Variants in PCNX2 observed in about 807,000 individuals in gnomAD.
PCNX2 encodes the protein pecanex-like protein 2.
In PCNX2, 168 loss-of-function variants were observed where a neutral mutation model predicts 223.8. The ratio of observed to expected loss-of-function variants is 0.75; its 90% confidence interval spans 0.66 to 0.85. PCNX2 has a LOEUF of 0.85. Among genes scored for constraint, PCNX2 ranks in the 40% least tolerant of loss-of-function variants. The pLI, the probability that PCNX2 is intolerant of heterozygous loss-of-function variation, is 0.00. For synonymous variants in PCNX2, 1,006 were observed against 1,052.6 expected (o/e 0.96, Z 0.86); for missense variants, 2,507 against 2,675.5 (o/e 0.94, Z 1.39).
chr1:232,984,248 A>C lies in PCNX2; in HGVS notation c.*56T>G. Reference sequence around the variant, plus strand: ...TGGTGATTTGGGGAGCACGAGGGAGAGCAATGCAGGTGGGAGGTGTGGGGG... The same window carrying C: ...TGGTGATTTGGGGAGCACGAGGGAGCGCAATGCAGGTGGGAGGTGTGGGGG... On this transcript the variant is annotated 3_prime_UTR_variant, in exon 34 of 34. Transcript: ENST00000258229. 6.7e-7 allele frequency: 1 copy of C among 1,482,742 alleles called. No homozygotes were observed. Among genetic ancestry groups the C allele is most frequent in the Non-Finnish European group, 9.0e-7 (1 of 1,115,114 alleles). 91.8% of individuals were successfully genotyped at this position (1,482,742 alleles called of 1,614,324 possible). A position where few individuals can be genotyped will look rare whatever the true frequency, so the allele number is the denominator to read the frequency against.
chr1:233,207,716 G>C (rs1043428278), intron 13 of PCNX2, among the ~76,000 whole-genome samples: 5 of 152,182 alleles, frequency 3.3e-5, no homozygotes, highest in African/African-American at 1.2e-4. Flanking sequence ...CAAACCATCA[G>C]CAGTTTGGCT....
rs370470643 is a variant in PCNX2, at chr1:233,263,100, T to C, written c.217A>G (p.Ile73Val). The C allele has an allele frequency of 3.1e-5, 50 of 1,613,336 alleles. 1 individual carries two copies. The Middle Eastern group carries it at 8.3e-4, about 27-fold the overall frequency. ...YCSAVTIFFT[I>V]IKLVSYRLHL... ...AGGCGATAACTGACCAGTTTGATTATTGTGAAGAATATAGTCACTGCACTG... is the reference window on the plus strand; with the variant it reads ...AGGCGATAACTGACCAGTTTGATTACTGTGAAGAATATAGTCACTGCACTG... Residue 73 changes from isoleucine (I) to valine (V), a missense_variant, in exon 2 of 34, where the codon ATA (isoleucine) becomes GTA (valine). Physicochemically the swap from Ile to Val is conservative, Grantham distance 29. Around this residue, in one of 3 missense-constraint regions of PCNX2, gnomAD observed 1,031 missense variants for 1,021.7 expected, o/e 1.01. Coordinates refer to ENST00000258229, the MANE Select transcript of PCNX2 (RefSeq NM_014801.4).
chr1:233,291,793 A>C (rs1290150955), intron 1 of PCNX2: 2 of 984,552 alleles, frequency 2.0e-6, no homozygotes, highest in East Asian at 2.3e-4. Context: ...AATAAGTGAC[A>C]ATTTAAATAT....
chr1:233,112,448 C>T (rs1321920085), intron 21 of PCNX2, among the ~76,000 whole-genome samples: 1 of 152,196 alleles, frequency 6.6e-6, no homozygotes, highest in African/African-American at 2.4e-5. Flanking sequence ...AGAGTTGTCA[C>T]CTGTCTTGAA....
chr1:233,322,811 C>G, the PCNX2 span, among the ~76,000 whole-genome samples: 1 of 152,110 alleles, frequency 6.6e-6, no homozygotes, highest in Non-Finnish European at 1.5e-5. Flanking sequence ...GACCCAAGAG[C>G]GAAGTTTGCT....
intron 28 of PCNX2, among the ~76,000 whole-genome samples, chr1:233,005,219 G>T (rs1478995536): frequency 6.6e-6 from 1 of 152,202 alleles, no homozygotes; most frequent in African/African-American, 2.4e-5. Context: ...GAATGGCCTG[G>T]CATATGCATA....
At position 232,991,089 on chromosome 1, in the gene PCNX2, G is replaced by A. The variant is rs1448934071; in HGVS notation, c.5792-4549C>T. 6.6e-6 allele frequency among the ~76,000 whole-genome samples: 1 copy of A among 152,218 alleles called. No homozygotes were observed. The highest frequency in any genetic ancestry group is 1.9e-4 in the East Asian group (1 of 5,186). The stretch of plus-strand genomic sequence containing the variant: ...AGGTGCCGGGCAGTGAGCAGCTCAT[G>A]GGAAATTCTGACCACAGACAAGGCA... On this transcript the variant is annotated intron_variant, in intron 32 of 33. Coordinates refer to ENST00000258229, the MANE Select transcript of PCNX2 (RefSeq NM_014801.4). The surrounding 1 kb of genome is among the most constrained non-coding windows in gnomAD (Gnocchi z 4.3).
intron 21 of PCNX2, among the ~76,000 whole-genome samples, chr1:233,130,465 TTGTGTG>T (rs55865610): frequency 1.1e-3 from 148 of 136,472 alleles, no homozygotes; most frequent in Middle Eastern, 7.5e-3. Context: ...CCCCCAACTT[TTGTGTG>T]TGTGTGTGTG....
chr1:233,128,123 T>G (rs1305672283), intron 21 of PCNX2, among the ~76,000 whole-genome samples: 1 of 152,168 alleles, frequency 6.6e-6, no homozygotes, highest in African/African-American at 2.4e-5. Flanking sequence ...TACAGCTTTA[T>G]CATAAATACA....
intron 26 of PCNX2, among the ~76,000 whole-genome samples, chr1:233,022,477 GGAA>G (rs1047416065): frequency 2.0e-5 from 3 of 152,130 alleles, no homozygotes; most frequent in Non-Finnish European, 4.4e-5. Flanking sequence ...GACTGAGGTT[GGAA>G]GAGAAGCTGC....
chr1:233,313,661 C>T, the PCNX2 span, among the ~76,000 whole-genome samples: 1 of 150,294 alleles, frequency 6.7e-6, no homozygotes, highest in Non-Finnish European at 1.5e-5. Context: ...AATATGTGAA[C>T]CTCATGACCA....
At position 233,178,672 on chromosome 1, in the gene PCNX2, C is replaced by T. The variant is rs550712869; in HGVS notation, c.3176+394G>A. Among the ~76,000 whole-genome samples, 4 of 152,216 alleles carry T rather than the reference C, an allele frequency of 2.6e-5. No homozygotes were observed. In the East Asian group the frequency reaches 5.8e-4, roughly 22 times the overall value. ...TTCAGAGGTGCTGGTTTAGTCTCCC[C>T]AGGGTAACTGCCTAGAGTAAAGGCA... On this transcript the variant is annotated intron_variant, in intron 16 of 33. Coordinates refer to ENST00000258229, the MANE Select transcript of PCNX2 (RefSeq NM_014801.4).
At chr1:233,314,484 T>G in the PCNX2 span, among the ~76,000 whole-genome samples, 1 of 152,320 alleles carries the variant, frequency 6.6e-6, no homozygotes, top group East Asian at 1.9e-4. Flanking sequence ...TCTAGGTTAC[T>G]TCTACGTGGA....
At chr1:233,316,647 C>T in the PCNX2 span, among the ~76,000 whole-genome samples, 1 of 152,162 alleles carries the variant, frequency 6.6e-6, no homozygotes, top group Non-Finnish European at 1.5e-5. Context: ...GAAACACTCC[C>T]TTGTAGTATT....
At chr1:233,143,562 G>A (rs558515693) in intron 19 of PCNX2, among the ~76,000 whole-genome samples, 2 of 152,214 alleles carry the variant, frequency 1.3e-5, no homozygotes, top group African/African-American at 4.8e-5. Context: ...CTGCGGATTG[G>A]GCCCTGGGCA....
chr1:233,307,398 GCT>G, the PCNX2 span, among the ~76,000 whole-genome samples: 1 of 152,098 alleles, frequency 6.6e-6, no homozygotes, highest in Non-Finnish European at 1.5e-5. Context: ...TCTCTCTCTT[GCT>G]CTCTCACGCC....
In PCNX2 at chr1:233,216,004, C is replaced by G. The variant is rs1288196125; in HGVS notation, c.2691+1895G>C. Among the ~76,000 whole-genome samples, 4 of 152,136 alleles carry G rather than the reference C, an allele frequency of 2.6e-5. No homozygotes were observed. The East Asian group carries it at 7.7e-4, about 29-fold the overall frequency. On this transcript the variant is annotated intron_variant, in intron 12 of 33. Coordinates refer to ENST00000258229, the MANE Select transcript of PCNX2 (RefSeq NM_014801.4). ...TTAATTACTATGAGCTAAACAGGAG[C>G]TATCACAGATTGAAAAATGGGTCCT...
rs1264077804 is a variant in PCNX2, at chr1:233,258,509, A to G, written c.1353T>C (p.Ser451=). 1 of 1,613,654 alleles carries G rather than the reference A, an allele frequency of 6.2e-7. No individual in the cohort carries two copies. The highest frequency in any genetic ancestry group is 1.3e-5 in the African/African-American group (1 of 74,834). ...GGVPCPEGNG[S]ERTPERLKTR... is the part of the protein sequence containing the mutation. ...TCTTCAGTCTCTCTGGAGTCCTTTC[A>G]CTTCCATTGCCTTCGGGACAGGGAA... The change falls in exon 5 of 34, where the codon AGT becomes AGC. Residue 451 remains serine, a synonymous_variant. Transcript: ENST00000258229.
chr1:233,230,795 G>C (rs916634290), intron 9 of PCNX2, among the ~76,000 whole-genome samples: 1 of 152,242 alleles, frequency 6.6e-6, no homozygotes, highest in African/African-American at 2.4e-5. Context: ...GAATTATCAA[G>C]AACAACTTAC....
Sources: allele counts gnomAD v4.1 joint callset (sites outside exome capture counted in the v4.1 genomes callset), GRCh38; gene constraint gnomAD v4.1.1; regional missense constraint gnomAD v4.1.1; non-coding constraint Gnocchi (gnomAD v3.1); transcripts MANE v1.5; gene names NCBI Gene and HGNC (gene_info 2026-07-23, HGNC 2026-07-21).